The following SCAPER variants were observed in gnomAD, a reference collection of about 807,000 sequenced individuals.
The protein encoded by SCAPER is S-phase cyclin A associated protein in the ER.
SCAPER carries 98 observed loss-of-function variants against 182.2 expected under a neutral mutation model. That is an observed-to-expected ratio of 0.54 (90% CI 0.46 to 0.64). The LOEUF is 0.64. Among genes scored for constraint, SCAPER ranks in the 30% least tolerant of loss-of-function variants. The pLI, the probability that SCAPER is intolerant of heterozygous loss-of-function variation, is 0.00. For missense variants in SCAPER, 1,432 were observed against 1,690.0 expected (o/e 0.85, Z 2.68); for synonymous variants, 605 against 564.6 (o/e 1.07, Z -1.01).
chr15:76,354,508 C>T lies in SCAPER; in HGVS notation c.3856-368G>A. 5.4e-6 allele frequency: 1 copy of T among 184,552 alleles called. No homozygotes were observed. Among genetic ancestry groups the T allele is most frequent in the Non-Finnish European group, 1.1e-5 (1 of 90,570 alleles). The allele number at this position is 184,552 out of a possible 1,614,324, so 11.4% of individuals were successfully genotyped here. A position where few individuals can be genotyped will look rare whatever the true frequency, so the allele number is the denominator to read the frequency against. On this transcript the variant is annotated intron_variant, in intron 29 of 31. Transcript: ENST00000563290. This position sits in a 1 kb window ranked among gnomAD's most constrained non-coding sequence, Gnocchi z 4.4. ...GAGTAGTCATATTCCTTAAAACCTG[C>T]AAAGAGTTCACTCACAAGAAAGTAA...
At chr15:76,875,574 C>T (rs1361023362) in intron 2 of SCAPER, among the ~76,000 whole-genome samples, 3 of 152,100 alleles carry the variant, frequency 2.0e-5, no homozygotes, top group Admixed American at 6.5e-5. Flanking sequence ...ACCTGGGAGG[C>T]GAGGGTTGCA....
intron 8 of SCAPER, among the ~76,000 whole-genome samples, chr15:76,782,613 C>G (rs1232145141): frequency 6.6e-6 from 1 of 152,054 alleles, no homozygotes; most frequent in Non-Finnish European, 1.5e-5. Flanking sequence ...TATTCTAAAA[C>G]TGACCACATA....
intron 21 of SCAPER, among the ~76,000 whole-genome samples, chr15:76,639,978 C>A (rs1265204163): frequency 6.6e-6 from 1 of 152,078 alleles, no homozygotes; most frequent in Non-Finnish European, 1.5e-5. Context: ...CTCCCTGTAG[C>A]CATACATAGG....
chr15:76,774,913 T>C lies in SCAPER; in HGVS notation c.977A>G (p.Glu326Gly), dbSNP rs186407258. 3,395 of 1,613,676 alleles carry C rather than the reference T, an allele frequency of 2.1e-3. 12 individuals are homozygous for C. Among genetic ancestry groups the C allele is most frequent in the Non-Finnish European group, 2.1e-3 (2,529 of 1,179,702 alleles). ...FVGDGTSNTI[E>G]SHPKDSLHSC... Reference sequence around the variant, plus strand: ...GTGTAATGAGTCTTTGGGATGAGATTCTATAGTATTAGAAGTTCCATCTCC... The same window carrying C: ...GTGTAATGAGTCTTTGGGATGAGATCCTATAGTATTAGAAGTTCCATCTCC... Residue 326 changes from glutamate to glycine, a missense_variant, in exon 9 of 32, where the codon GAA (glutamate) becomes GGA (glycine). Glu to Gly is a moderately conservative substitution (Grantham distance 98, BLOSUM62 -2). Coordinates refer to ENST00000563290, the MANE Select transcript of SCAPER (RefSeq NM_020843.4).
At chr15:76,883,655 T>C (rs577597513) in intron 2 of SCAPER, among the ~76,000 whole-genome samples, 157 bp downstream of exon 2, 10 of 152,324 alleles carry the variant, frequency 6.6e-5, no homozygotes, top group African/African-American at 2.2e-4. Flanking sequence ...TAAGGTTGAA[T>C]AGTACATTCA....
intron 23 of SCAPER, among the ~76,000 whole-genome samples, chr15:76,573,601 G>T (rs1292558211): frequency 6.6e-6 from 1 of 152,014 alleles, no homozygotes; most frequent in Admixed American, 6.6e-5. Flanking sequence ...TTTGGAAGAA[G>T]ATACAATAAA....
chr15:76,862,391 T>G, intron 3 of SCAPER, 25 bp downstream of exon 3: 1 of 1,480,962 alleles, frequency 6.8e-7, no homozygotes, highest in Admixed American at 1.8e-5. Context: ...ACAACAAAAA[T>G]GAAACTAATT....
Position 76,701,784 on chromosome 15 carries a change from C to T in SCAPER, c.2482G>A (p.Gly828Arg). Residue 828 changes from glycine (G) to arginine (R), a missense_variant, in exon 20 of 32, where the codon GGG (glycine) becomes AGG (arginine). Physicochemically the swap from Gly to Arg is moderately radical, Grantham distance 125. Around this residue, in one of 5 missense-constraint regions of SCAPER, gnomAD observed 718 missense variants for 799.7 expected, o/e 0.90. Transcript: ENST00000563290. ...QAVRENTSIQ[G>R]RELSDEEVEH... ...ACTTCTTCATCTGACAGTTCACGCC[C>T]CTGGATGCTGGTATTCTCTCTCACG... 6.2e-7 allele frequency: 1 copy of T among 1,613,724 alleles called. No individual in the cohort carries two copies. Among genetic ancestry groups the T allele is most frequent in the Non-Finnish European group, 8.5e-7 (1 of 1,179,778 alleles).
At chr15:76,559,219 T>A (rs1254220862) in intron 23 of SCAPER, among the ~76,000 whole-genome samples, 1 of 149,684 alleles carries the variant, frequency 6.7e-6, no homozygotes, top group Non-Finnish European at 1.5e-5. Context: ...TTTTTTTTTT[T>A]TTTTTTTGGT....
intron 15 of SCAPER, among the ~76,000 whole-genome samples, chr15:76,742,213 A>C (rs1166725410): frequency 6.6e-6 from 1 of 151,910 alleles, no homozygotes. Context: ...AAAATCATAT[A>C]AGGAATTAAG....
chr15:76,898,930 T>A (rs911033544), intron 1 of SCAPER, among the ~76,000 whole-genome samples: 2 of 152,180 alleles, frequency 1.3e-5, no homozygotes, highest in East Asian at 3.8e-4. Flanking sequence ...TATAGCTCAA[T>A]AAAGCTTCAA....
intron 14 of SCAPER, among the ~76,000 whole-genome samples, chr15:76,759,802 C>G (rs1468664332): frequency 6.6e-6 from 1 of 151,988 alleles, no homozygotes; most frequent in Non-Finnish European, 1.5e-5. Context: ...ACTTACATTC[C>G]AGAGATAAAT....
chr15:76,574,146 T>G lies in SCAPER; in HGVS notation c.2838+12A>C, dbSNP rs1407836822. 5 of 1,593,434 alleles carry G rather than the reference T, an allele frequency of 3.1e-6. No homozygotes were observed. Among genetic ancestry groups the G allele is most frequent in the African/African-American group, 1.3e-5 (1 of 74,700 alleles). The stretch of plus-strand genomic sequence containing the variant: ...AAGATTAAGGTTCAAAAGCCAGATA[T>G]TAGTTACACACCTCTTTTTCCAGTA... On this transcript the variant is annotated intron_variant, in intron 23 of 31. Coordinates refer to ENST00000563290, the MANE Select transcript of SCAPER (RefSeq NM_020843.4).
At chr15:76,706,539 A>G (rs973572182) in intron 17 of SCAPER, among the ~76,000 whole-genome samples, 2 of 152,186 alleles carry the variant, frequency 1.3e-5, no homozygotes, top group African/African-American at 2.4e-5. Context: ...AAAAATCAGC[A>G]GACTGGGAAG....
At chr15:76,762,571 T>C (rs1463957322) in intron 14 of SCAPER, among the ~76,000 whole-genome samples, 3 of 152,194 alleles carry the variant, frequency 2.0e-5, no homozygotes, top group African/African-American at 7.2e-5. Flanking sequence ...CAGAGTTTAC[T>C]ATTTTTCATA....
chr15:76,714,310 C>G (rs1353017339), intron 17 of SCAPER, among the ~76,000 whole-genome samples: 2 of 152,056 alleles, frequency 1.3e-5, no homozygotes, highest in Non-Finnish European at 2.9e-5. Flanking sequence ...TTAGTAAGTG[C>G]TCAGTTATAC....
At position 76,496,339 on chromosome 15, in the gene SCAPER, TG is replaced by T. The variant is rs1346322491; in HGVS notation, c.2954+8519del. Among the ~76,000 whole-genome samples, 6 of 152,250 alleles carry T rather than the reference TG, an allele frequency of 3.9e-5. 1 individual carries two copies. The highest frequency in any genetic ancestry group is 1.4e-4 in the African/African-American group (6 of 41,534). On this transcript the variant is annotated intron_variant, in intron 24 of 31. Coordinates refer to ENST00000563290, the MANE Select transcript of SCAPER (RefSeq NM_020843.4). ...GTTTGTAAATATAAGACAATGCTCT[TG>T]GGTTTCAAATTAAGTGCTCATTATA...
intron 23 of SCAPER, among the ~76,000 whole-genome samples, chr15:76,570,974 GA>G (rs1198932974): frequency 6.6e-6 from 1 of 152,048 alleles, no homozygotes; most frequent in African/African-American, 2.4e-5. Flanking sequence ...CTGAGGGTGG[GA>G]TAAGAAGGTT....
intron 25 of SCAPER, among the ~76,000 whole-genome samples, chr15:76,461,149 T>A (rs1301483925): frequency 6.6e-6 from 1 of 152,130 alleles, no homozygotes; most frequent in African/African-American, 2.4e-5. Flanking sequence ...CATAATTTGA[T>A]GGTGGTTATG....
Sources: gnomAD v4.1 joint callset for allele counts (sites outside exome capture counted in the v4.1 genomes callset) on GRCh38, gnomAD v4.1.1 for gene constraint, gnomAD v4.1.1 regional missense constraint, Gnocchi (gnomAD v3.1) non-coding constraint, MANE v1.5 for transcripts, NCBI Gene and HGNC (gene_info 2026-07-23, HGNC 2026-07-21) for gene names.